The following KIF5B variants were observed in gnomAD, a reference collection of about 807,000 sequenced individuals.
The protein encoded by KIF5B is kinesin-1 heavy chain.
Under a neutral mutation model 132.8 loss-of-function variants are expected in KIF5B, and 49 were observed. That is an observed-to-expected ratio of 0.37 (90% CI 0.29 to 0.47). The LOEUF (loss-of-function observed/expected upper bound fraction) is 0.47, where lower values mean the gene tolerates loss of function less well. KIF5B is among the 20% of genes least tolerant of loss of function. The pLI is 1.00. For synonymous variants in KIF5B, 355 were observed against 369.4 expected (o/e 0.96, Z 0.45); for missense variants, 780 against 1,144.0 (o/e 0.68, Z 4.59).
At chr10:32,016,619 G>A (rs1841170531) in intron 24 of KIF5B, among the ~76,000 whole-genome samples, 1 of 151,972 alleles carries the variant, frequency 6.6e-6, no homozygotes, top group African/African-American at 2.4e-5. Flanking sequence ...TCGGCTCATT[G>A]CAATCTCCAC....
intron 19 of KIF5B, 87 bp from the exon 20 acceptor site, chr10:32,020,046 A>G (rs1841237695): frequency 1.1e-6 from 1 of 877,172 alleles, no homozygotes; most frequent in East Asian, 2.4e-5. Flanking sequence ...TTTAAATTCT[A>G]TAATCTCATC....
intron 15 of KIF5B, among the ~76,000 whole-genome samples, chr10:32,023,588 GACAA>G (rs60026116): frequency 0.24 from 35,911 of 151,950 alleles, 4,357 homozygotes; most frequent in East Asian, 0.47. Context: ...CAACACTAAG[GACAA>G]ACAAAGTCAC....
chr10:32,042,646 G>A (rs1240337467), intron 2 of KIF5B, among the ~76,000 whole-genome samples: 2 of 152,206 alleles, frequency 1.3e-5, no homozygotes, highest in Non-Finnish European at 2.9e-5. Context: ...TCAATGTACA[G>A]CATCTTTCTA....
Position 32,011,119 on chromosome 10 carries a change from A to G in KIF5B, c.*418T>C, listed in dbSNP as rs1254850946. ...AAAAAAAGGAAGACGTTTTAATAGG[A>G]AAAGAAAAACAAGAAGCAGTAGCAG... On this transcript the variant is annotated 3_prime_UTR_variant, in exon 26 of 26. Coordinates refer to ENST00000302418, the MANE Select transcript of KIF5B (RefSeq NM_004521.3). The G allele has an allele frequency of 6.6e-6, 1 of 152,342 alleles. No individual in the cohort carries two copies. The highest frequency in any genetic ancestry group is 2.4e-5 in the African/African-American group (1 of 41,468). 9.4% of individuals were successfully genotyped at this position (152,342 alleles called of 1,614,324 possible).
chr10:32,020,913 C>A, intron 19 of KIF5B, 109 bp downstream of exon 19: 2 of 587,396 alleles, frequency 3.4e-6, no homozygotes, highest in Non-Finnish European at 5.7e-6. Flanking sequence ...CTTTATTTTC[C>A]AAGATAAAAA....
At position 32,009,671 on chromosome 10, in the gene KIF5B, C is replaced by A. The variant is rs1224048327; in HGVS notation, c.*1866G>T. 1 of 152,156 alleles carries A rather than the reference C, an allele frequency of 6.6e-6. No individual in the cohort carries two copies. Among genetic ancestry groups the A allele is most frequent in the African/African-American group, 2.4e-5 (1 of 41,442 alleles). The allele number at this position is 152,156 out of a possible 1,614,324, so 9.4% of individuals were successfully genotyped here. On this transcript the variant is annotated 3_prime_UTR_variant, in exon 26 of 26. Coordinates refer to ENST00000302418, the MANE Select transcript of KIF5B (RefSeq NM_004521.3). ...TTTGGAAAAAAGAGAAAAAAAAATTCTGCTTCATTTACGAATGTTGCCAAA... is the reference window on the plus strand; with the variant it reads ...TTTGGAAAAAAGAGAAAAAAAAATTATGCTTCATTTACGAATGTTGCCAAA...
intron 14 of KIF5B, 57 bp downstream of exon 14, chr10:32,031,016 T>C (rs545205898): frequency 2.4e-6 from 3 of 1,245,610 alleles, no homozygotes. Context: ...TAAGTAGTTT[T>C]TAGGTTAAGA....
At chr10:32,041,898 T>C (rs1592451588) in intron 2 of KIF5B, among the ~76,000 whole-genome samples, 1 of 152,314 alleles carries the variant, frequency 6.6e-6, no homozygotes, top group East Asian at 1.9e-4. Context: ...AGTGCTGGGA[T>C]TACAGGCCTA....
At position 32,028,436 on chromosome 10, in the gene KIF5B, CATT is replaced by C. The variant is rs780647336; in HGVS notation, c.1714_1716del (p.Asn572del). 24 of 1,610,176 alleles carry C rather than the reference CATT, an allele frequency of 1.5e-5. No individual in the cohort carries two copies. The highest frequency in any genetic ancestry group is 2.0e-5 in the Non-Finnish European group (23 of 1,177,108). ...TTAGTTATTATATTTACCTTTACAT[CATT>C]ATTTCCCACAGCAATTCCTATTTCT... On this transcript the variant is annotated inframe_deletion, in exon 15 of 26. Transcript: ENST00000302418.
At chr10:32,041,743 G>C (rs1841541878) in intron 2 of KIF5B, among the ~76,000 whole-genome samples, 1 of 152,288 alleles carries the variant, frequency 6.6e-6, no homozygotes, top group Non-Finnish European at 1.5e-5. Flanking sequence ...GCCTGCTTCA[G>C]CTTCAAGTAG....
At chr10:32,039,542 G>A (rs1841505248) in intron 3 of KIF5B, 111 bp from the exon 4 acceptor site, 1 of 611,160 alleles carries the variant, frequency 1.6e-6, no homozygotes, top group Non-Finnish European at 2.9e-6. Flanking sequence ...CTATATTTTT[G>A]TGGAAACGGC....
chr10:32,039,734 A>T (rs1176626770), intron 3 of KIF5B, among the ~76,000 whole-genome samples: 1 of 152,182 alleles, frequency 6.6e-6, no homozygotes, highest in South Asian at 2.1e-4. Context: ...TTTCCATATA[A>T]TTCTACATTG....
Position 32,048,563 on chromosome 10 carries a change from A to G in KIF5B, c.127-12T>C. The G allele has an allele frequency of 1.9e-6, 3 of 1,599,998 alleles. No individual in the cohort carries two copies. In the South Asian group the frequency reaches 3.3e-5, roughly 18 times the overall value. ...GCATAAGGCTTGGACTGAAAAACAA[A>G]AAAGTGTTTCAACTATACAAATTAA... is the stretch of plus-strand genomic sequence containing the variant. On this transcript the variant is annotated splice_polypyrimidine_tract_variant and intron_variant, in intron 1 of 25. Transcript: ENST00000302418.
chr10:32,054,542 T>A (rs566880546), intron 1 of KIF5B, among the ~76,000 whole-genome samples: 177 of 152,354 alleles, frequency 1.2e-3, no homozygotes, highest in African/African-American at 4.1e-3. Context: ...GTCTTCAGTG[T>A]CAATGCTTTC....
Position 32,035,394 on chromosome 10 carries a change from T to A in KIF5B, c.962+128A>T, listed in dbSNP as rs1435714736. 4.3e-6 allele frequency: 3 copies of A among 695,244 alleles called. No individual in the cohort carries two copies. The South Asian group carries it at 7.9e-5, about 18-fold the overall frequency. 43.1% of individuals were successfully genotyped at this position (695,244 alleles called of 1,614,324 possible). Reference sequence around the variant, plus strand: ...CAGACCCACCTTGTATTATCTGTCATCAATTCAAACTGAGTGTGTCTAGCA... The same window carrying A: ...CAGACCCACCTTGTATTATCTGTCAACAATTCAAACTGAGTGTGTCTAGCA... On this transcript the variant is annotated intron_variant, in intron 10 of 25. Coordinates refer to ENST00000302418, the MANE Select transcript of KIF5B (RefSeq NM_004521.3).
intron 2 of KIF5B, among the ~76,000 whole-genome samples, chr10:32,045,084 T>G (rs1317828921): frequency 6.6e-6 from 1 of 152,172 alleles, no homozygotes; most frequent in East Asian, 1.9e-4. Flanking sequence ...AGACTTCATC[T>G]TTTTCTTTTC....
intron 20 of KIF5B, 75 bp from the exon 21 acceptor site, chr10:32,018,637 A>G (rs548530211): frequency 1.8e-6 from 2 of 1,109,246 alleles, no homozygotes; most frequent in East Asian, 4.9e-5. Context: ...GTTGAATAAA[A>G]TATTTTGTGT....
intron 12 of KIF5B, among the ~76,000 whole-genome samples, chr10:32,033,017 A>G (rs1841420549): frequency 6.6e-6 from 1 of 152,252 alleles, no homozygotes. Context: ...TATTAAAAAT[A>G]TCAACTTAAG....
rs1187597409 is a variant in KIF5B, at chr10:32,033,882, T to G, written c.1268A>C (p.Glu423Ala). 1.9e-6 allele frequency: 3 copies of G among 1,613,160 alleles called. No individual in the cohort carries two copies. The highest frequency in any genetic ancestry group is 2.5e-6 in the Non-Finnish European group (3 of 1,179,690). Reference protein sequence around the residue: ...FTDAERRKCEEEIAKLYKQLD... With the variant: ...FTDAERRKCEAEIAKLYKQLD... ...CTGTTTGTATAATTTAGCAATTTCTTCTTCACACTTTCTTCTTTCAGCATC... is the reference window on the plus strand; with the variant it reads ...CTGTTTGTATAATTTAGCAATTTCTGCTTCACACTTTCTTCTTTCAGCATC... Residue 423 changes from glutamate (E) to alanine (A), a missense_variant, in exon 12 of 26, where the codon GAA becomes GCA. By Grantham distance (107) the Glu-to-Ala change is moderately radical (BLOSUM62 -1). This residue lies in a region of KIF5B where 471 missense variants were observed against 569.9 expected (regional missense o/e 0.83). Transcript: ENST00000302418.
Sources: gnomAD v4.1 joint callset for allele counts (sites outside exome capture counted in the v4.1 genomes callset) on GRCh38, gnomAD v4.1.1 for gene constraint, gnomAD v4.1.1 regional missense constraint, MANE v1.5 for transcripts, NCBI Gene and HGNC (gene_info 2026-07-23, HGNC 2026-07-21) for gene names.